LRP1B: variants seen among roughly 807,000 people sequenced by gnomAD.
LRP1B encodes the protein low-density lipoprotein receptor-related protein 1B.
In LRP1B, 217 loss-of-function variants were observed where a neutral mutation model predicts 556.6. The observed-to-expected ratio is 0.39, with a 90% CI of 0.35 to 0.44. LRP1B has a LOEUF of 0.44. Ranked by LOEUF, LRP1B falls within the 20% of genes least tolerant of loss-of-function variation. LRP1B has a pLI of 1.00. For missense variants in LRP1B, 5,053 were observed against 5,620.8 expected, an observed-to-expected ratio of 0.90 and a Z score of 3.23; for synonymous variants, 2,047 against 1,865.8, an observed-to-expected ratio of 1.10 and a Z score of -2.50.
intron 3 of LRP1B, among the ~76,000 whole-genome samples, chr2:141,343,757 G>T (rs989489184): frequency 2.0e-5 from 3 of 152,166 alleles, no homozygotes; most frequent in Non-Finnish European, 4.4e-5. Context: ...CTTACAGGTT[G>T]CTTTTTACCT....
chr2:140,464,913 A>G (rs1306601797), intron 60 of LRP1B, among the ~76,000 whole-genome samples: 1 of 152,194 alleles, frequency 6.6e-6, no homozygotes, highest in African/African-American at 2.4e-5. Flanking sequence ...TTATAAATAT[A>G]TTTCTAAAAT....
chr2:140,848,677 A>G (rs1407262331), intron 29 of LRP1B, among the ~76,000 whole-genome samples: 1 of 152,154 alleles, frequency 6.6e-6, no homozygotes, highest in Non-Finnish European at 1.5e-5. Flanking sequence ...ATTCCCCTCC[A>G]AATCCTTCTA....
chr2:141,386,104 C>A (rs2104896373), intron 3 of LRP1B, among the ~76,000 whole-genome samples: 1 of 152,128 alleles, frequency 6.6e-6, no homozygotes, highest in East Asian at 1.9e-4. Context: ...ACTTTTGTTT[C>A]ATGCACAAAA....
chr2:141,741,497 C>G (rs1352191647), intron 2 of LRP1B, among the ~76,000 whole-genome samples: 1 of 134,292 alleles, frequency 7.4e-6, no homozygotes, highest in African/African-American at 2.6e-5. Context: ...TGCATTTTAA[C>G]TGGTGAGATA....
chr2:141,234,985 T>G (rs1162494196), intron 5 of LRP1B, among the ~76,000 whole-genome samples: 1 of 151,780 alleles, frequency 6.6e-6, no homozygotes, highest in Admixed American at 6.6e-5. Context: ...TTTTCATTCC[T>G]TAACTATTTT....
At chr2:141,227,140 C>T (rs936525781) in intron 6 of LRP1B, among the ~76,000 whole-genome samples, 7 of 152,072 alleles carry the variant, frequency 4.6e-5, no homozygotes, top group Non-Finnish European at 1.0e-4. Context: ...AGTCAATATG[C>T]AATTGCTTAA....
At chr2:141,128,858 A>T (rs1480631127) in intron 7 of LRP1B, among the ~76,000 whole-genome samples, 1 of 152,242 alleles carries the variant, frequency 6.6e-6, no homozygotes, top group Non-Finnish European at 1.5e-5. Context: ...TATTAATATT[A>T]GAAATTCAAC....
At chr2:140,827,270 C>G (rs934023525) in intron 31 of LRP1B, among the ~76,000 whole-genome samples, 6 of 151,988 alleles carry the variant, frequency 3.9e-5, no homozygotes, top group African/African-American at 1.4e-4. Flanking sequence ...ATGGACAAAA[C>G]AAAGAGCCAG....
At position 141,803,396 on chromosome 2, in the gene LRP1B, C is replaced by G. The variant is rs186212858; in HGVS notation, c.205+6883G>C. Among the ~76,000 whole-genome samples, 261 of 151,860 alleles carry G rather than the reference C, an allele frequency of 1.7e-3. 1 individual carries two copies. The highest frequency in any genetic ancestry group is 2.9e-3 in the Non-Finnish European group (200 of 67,948). The stretch of plus-strand genomic sequence containing the variant: ...CCACCTTCCTATCCCCCCTGCATAT[C>G]AACTCTTAAGTGGGAGTCTTTTTAT... On this transcript the variant is annotated intron_variant, in intron 2 of 90. Coordinates refer to ENST00000389484, the MANE Select transcript of LRP1B (RefSeq NM_018557.3).
Position 140,989,644 on chromosome 2 carries a change from A to G in LRP1B, c.2658T>C (p.Cys886=). 1 of 1,613,000 alleles carries G rather than the reference A, an allele frequency of 6.2e-7. No individual in the cohort carries two copies. The highest frequency in any genetic ancestry group is 8.5e-7 in the Non-Finnish European group (1 of 1,179,260). ...EDSVNCFNHS[C]PDDQFKCQNN... is the part of the protein sequence containing the mutation. Reference sequence around the variant, plus strand: ...TCTGGCATTTAAACTGATCATCAGGACAGCTATGATTGACTGGGAGGGAGG... The same window carrying G: ...TCTGGCATTTAAACTGATCATCAGGGCAGCTATGATTGACTGGGAGGGAGG... Residue 886 remains cysteine (C), a synonymous_variant, in exon 17 of 91, where the codon TGT becomes TGC. Coordinates refer to ENST00000389484, the MANE Select transcript of LRP1B (RefSeq NM_018557.3).
chr2:140,814,053 C>T (rs961743939), intron 31 of LRP1B, among the ~76,000 whole-genome samples: 2 of 152,200 alleles, frequency 1.3e-5, no homozygotes, highest in Non-Finnish European at 2.9e-5. Context: ...TAGCTCACTG[C>T]AGCCTCAGAC....
In LRP1B at chr2:141,679,681, A is replaced by C. The variant is rs552103376; in HGVS notation, c.205+130598T>G. 1.1e-4 allele frequency among the ~76,000 whole-genome samples: 17 copies of C among 152,242 alleles called. No homozygotes were observed. In the South Asian group the frequency reaches 3.5e-3, roughly 32 times the overall value. On this transcript the variant is annotated intron_variant, in intron 2 of 90. Coordinates refer to ENST00000389484, the MANE Select transcript of LRP1B (RefSeq NM_018557.3). Reference sequence around the variant, plus strand: ...GCTTATAAGAATGAAAAGCTGGACAAACTAAATATACATCAACATGTGAAT... The same window carrying C: ...GCTTATAAGAATGAAAAGCTGGACACACTAAATATACATCAACATGTGAAT...
intron 1 of LRP1B, among the ~76,000 whole-genome samples, chr2:142,125,371 G>C (rs918015151): frequency 6.6e-6 from 1 of 151,692 alleles, no homozygotes; most frequent in Non-Finnish European, 1.5e-5. Context: ...ATTCAAATGA[G>C]AGAGGACTGA....
intron 83 of LRP1B, among the ~76,000 whole-genome samples, chr2:140,304,248 A>G (rs1683966239): frequency 2.6e-5 from 4 of 152,144 alleles, no homozygotes; most frequent in Admixed American, 2.0e-4. Context: ...GTCTGCCACA[A>G]TGGTTGTTGA....
At chr2:141,617,509 C>G (rs1225619832) in intron 2 of LRP1B, among the ~76,000 whole-genome samples, 1 of 152,084 alleles carries the variant, frequency 6.6e-6, no homozygotes, top group Admixed American at 6.5e-5. Context: ...ATTTTTATTT[C>G]TATAAAATTT....
chr2:140,761,676 C>A (rs564629224), intron 35 of LRP1B, among the ~76,000 whole-genome samples: 1 of 152,100 alleles, frequency 6.6e-6, no homozygotes, highest in African/African-American at 2.4e-5. Context: ...CTGCAAGGAA[C>A]AGAATCCTGC....
At chr2:140,951,823 T>C in intron 19 of LRP1B, 37 bp downstream of exon 19, 2 of 1,526,404 alleles carry the variant, frequency 1.3e-6, no homozygotes, top group Non-Finnish European at 1.8e-6. Flanking sequence ...AAGCCCCCGA[T>C]CAAATTAGTG....
At chr2:140,609,189 A>G (rs1052839466) in intron 41 of LRP1B, among the ~76,000 whole-genome samples, 7 of 152,126 alleles carry the variant, frequency 4.6e-5, no homozygotes, top group Admixed American at 3.3e-4. Context: ...ATCCAAGGAG[A>G]GGCTGTGAGA....
chr2:140,836,535 G>A (rs1691909941), intron 31 of LRP1B, among the ~76,000 whole-genome samples: 1 of 152,038 alleles, frequency 6.6e-6, no homozygotes, highest in Non-Finnish European at 1.5e-5. Context: ...CACTTAATTT[G>A]GATTGGCAAA....
Sources: gnomAD v4.1 joint callset for allele counts (sites outside exome capture counted in the v4.1 genomes callset) on GRCh38, gnomAD v4.1.1 for gene constraint, MANE v1.5 for transcripts, NCBI Gene and HGNC (gene_info 2026-07-23, HGNC 2026-07-21) for gene names.